The following STIM2 variants were observed in gnomAD, a reference collection of about 807,000 sequenced individuals.
STIM2 encodes the protein stromal interaction molecule 2.
In STIM2, 31 loss-of-function variants were observed where a neutral mutation model predicts 85.8. The observed-to-expected ratio is 0.36, with a 90% CI of 0.27 to 0.49. The LOEUF is 0.49. Ranked by LOEUF, STIM2 falls within the 20% of genes least tolerant of loss-of-function variation. STIM2 has a pLI of 0.98. For synonymous variants in STIM2, 356 were observed against 331.1 expected (o/e 1.08, Z -0.82); for missense variants, 841 against 927.6 (o/e 0.91, Z 1.21).
intron 1 of STIM2, among the ~76,000 whole-genome samples, chr4:26,887,489 G>A (rs1030853406): frequency 1.3e-5 from 2 of 152,046 alleles, no homozygotes; most frequent in African/African-American, 4.8e-5. Context: ...GGGTGGTTGG[G>A]AACTTATTGC....
chr4:26,940,929 A>G (rs1725588382), intron 2 of STIM2, among the ~76,000 whole-genome samples: 1 of 152,134 alleles, frequency 6.6e-6, no homozygotes, highest in African/African-American at 2.4e-5. Flanking sequence ...TTGCATTTCT[A>G]ATAGATTCCC....
intron 8 of STIM2, chr4:27,007,994 A>AT (rs1560238375): frequency 1.4e-6 from 1 of 717,912 alleles, no homozygotes; most frequent in Non-Finnish European, 2.6e-6. Flanking sequence ...TTGCTGCTTC[A>AT]TATCTGATTC....
At chr4:26,869,430 A>G (rs906728299) in intron 1 of STIM2, among the ~76,000 whole-genome samples, 1 of 152,162 alleles carries the variant, frequency 6.6e-6, no homozygotes, top group African/African-American at 2.4e-5. Context: ...CTGTGTGTGC[A>G]TAGAGTTTTA....
At chr4:27,006,311 A>G (rs1728330053) in intron 7 of STIM2, among the ~76,000 whole-genome samples, 1 of 152,052 alleles carries the variant, frequency 6.6e-6, no homozygotes, top group Non-Finnish European at 1.5e-5. Context: ...TTTCTTTATC[A>G]GAAGTTTGTG....
chr4:26,908,609 A>T (rs1724217015), intron 1 of STIM2, among the ~76,000 whole-genome samples: 1 of 152,134 alleles, frequency 6.6e-6, no homozygotes. Flanking sequence ...TCAGGCTCCC[A>T]AGTAGCTGGG....
intron 1 of STIM2, among the ~76,000 whole-genome samples, chr4:26,900,603 C>A (rs915253277): frequency 1.3e-5 from 2 of 152,232 alleles, no homozygotes; most frequent in African/African-American, 2.4e-5. Context: ...ACTATTACTT[C>A]AGTATAATTT....
At chr4:26,890,823 C>CAAA (rs60092225) in intron 1 of STIM2, among the ~76,000 whole-genome samples, 1 of 51,024 alleles carries the variant, frequency 2.0e-5, no homozygotes, top group East Asian at 6.3e-4. Context: ...GACTCCGTCT[C>CAAA]AAAAAAAAAA....
intron 1 of STIM2, among the ~76,000 whole-genome samples, chr4:26,914,396 T>C (rs1724455982): frequency 6.6e-6 from 1 of 152,228 alleles, no homozygotes; most frequent in South Asian, 2.1e-4. Context: ...GAGCACTTGC[T>C]CATCTTTCAA....
intron 1 of STIM2, among the ~76,000 whole-genome samples, chr4:26,906,276 G>A (rs983573557): frequency 6.6e-6 from 1 of 152,078 alleles, no homozygotes; most frequent in Admixed American, 6.5e-5. Context: ...GTCAACTTGA[G>A]GGTGGAGGGT....
intron 1 of STIM2, chr4:26,874,325 C>T: frequency 3.1e-6 from 1 of 322,728 alleles, no homozygotes; most frequent in Non-Finnish European, 6.4e-6. Context: ...ACAGAGGCCC[C>T]TACACCCTGC....
intron 1 of STIM2, among the ~76,000 whole-genome samples, chr4:26,916,297 A>G (rs138814564): frequency 8.3e-4 from 126 of 152,354 alleles, no homozygotes; most frequent in African/African-American, 2.9e-3. Flanking sequence ...CACTGTTGCC[A>G]TAACTTCAAC....
intron 1 of STIM2, among the ~76,000 whole-genome samples, chr4:26,914,493 T>G (rs569332849): frequency 2.0e-5 from 3 of 152,360 alleles, no homozygotes; most frequent in African/African-American, 7.2e-5. Context: ...TCACCATTGT[T>G]TATTTGTATA....
chr4:26,927,799 A>G (rs1263229887), intron 2 of STIM2, among the ~76,000 whole-genome samples: 1 of 145,716 alleles, frequency 6.9e-6, no homozygotes, highest in Non-Finnish European at 1.5e-5. Context: ...TATAAATATA[A>G]TGTAATTATA....
Position 27,023,067 on chromosome 4 carries a change from C to T in STIM2, c.*71C>T. ...ATTATCCCCCACCCTCCACTCCCCA[C>T]CTTTTTTTTGGTTTAATTTTAGGAA... On this transcript the variant is annotated 3_prime_UTR_variant, in exon 12 of 12. Transcript: ENST00000467087. 1 of 1,441,840 alleles carries T rather than the reference C, an allele frequency of 6.9e-7. No homozygotes were observed. The highest frequency in any genetic ancestry group is 9.3e-7 in the Non-Finnish European group (1 of 1,069,850). The allele number at this position is 1,441,840 out of a possible 1,614,324, so 89.3% of individuals were successfully genotyped here. A position where few individuals can be genotyped will look rare whatever the true frequency, so the allele number is the denominator to read the frequency against.
At chr4:26,886,513 T>G (rs544735609) in intron 1 of STIM2, among the ~76,000 whole-genome samples, 1 of 152,280 alleles carries the variant, frequency 6.6e-6, no homozygotes, top group African/African-American at 2.4e-5. Flanking sequence ...ATAGTTGACA[T>G]TTGACAAGAG....
intron 1 of STIM2, among the ~76,000 whole-genome samples, chr4:26,874,527 A>G (rs1722744478): frequency 6.6e-6 from 1 of 152,198 alleles, no homozygotes; most frequent in Non-Finnish European, 1.5e-5. Flanking sequence ...ACATAAACCA[A>G]GCAGTTATTG....
chr4:26,952,179 A>G (rs1358184487), intron 2 of STIM2, among the ~76,000 whole-genome samples: 1 of 152,156 alleles, frequency 6.6e-6, no homozygotes, highest in African/African-American at 2.4e-5. Flanking sequence ...GTGGGGACAC[A>G]TCCAAACCAT....
intron 5 of STIM2, among the ~76,000 whole-genome samples, chr4:27,001,562 A>C (rs1212705454): frequency 6.6e-6 from 1 of 152,122 alleles, no homozygotes; most frequent in Non-Finnish European, 1.5e-5. Context: ...CGCAGAGGGG[A>C]CACAGGGAGG....
At chr4:26,972,002 G>A (rs1378570971) in intron 3 of STIM2, among the ~76,000 whole-genome samples, 23 of 151,988 alleles carry the variant, frequency 1.5e-4, no homozygotes, top group Admixed American at 8.5e-4. Flanking sequence ...CTTTGAAGCA[G>A]TTGTGAATGG....
Sources: gnomAD v4.1 joint callset for allele counts (sites outside exome capture counted in the v4.1 genomes callset) on GRCh38, gnomAD v4.1.1 for gene constraint, MANE v1.5 for transcripts, NCBI Gene and HGNC (gene_info 2026-07-23, HGNC 2026-07-21) for gene names.